The following WDR44 variants were observed in gnomAD, a reference collection of about 807,000 sequenced individuals.
WDR44 encodes the protein WD repeat domain 44.
In WDR44, 9 loss-of-function variants were observed where a neutral mutation model predicts 65.7. The observed-to-expected ratio is 0.14, with a 90% CI of 0.08 to 0.24. The LOEUF (loss-of-function observed/expected upper bound fraction) is 0.24, where lower values mean the gene tolerates loss of function less well. Ranked by LOEUF, WDR44 falls within the 10% of genes least tolerant of loss-of-function variation. The pLI, the probability that WDR44 is intolerant of heterozygous loss-of-function variation, is 1.00. For synonymous variants in WDR44, 220 were observed against 235.2 expected (o/e 0.94, Z 0.59); for missense variants, 425 against 670.9 (o/e 0.63, Z 4.05).
At chrX:118,411,839 CTT>C (rs1318905397) in intron 12 of WDR44, among the ~76,000 whole-genome samples, 1 of 112,314 alleles carries the variant, frequency 8.9e-6, no homozygotes, top group Non-Finnish European at 1.9e-5. Context: ...TATAGGATCT[CTT>C]TATCTACATG....
chrX:118,438,425 CTTTTCTTTTT>C (rs1460374803), intron 14 of WDR44, among the ~76,000 whole-genome samples: 1 of 110,524 alleles, frequency 9.0e-6, no homozygotes, highest in Non-Finnish European at 1.9e-5. Flanking sequence ...CTTTTCTTTT[CTTTTCTTTTT>C]ATTTATCTAT....
chrX:118,398,690 G>A (rs976783376), intron 8 of WDR44, among the ~76,000 whole-genome samples: 1 of 112,183 alleles, frequency 8.9e-6, no homozygotes, highest in Non-Finnish European at 1.9e-5. Flanking sequence ...ACTTTGGGAG[G>A]CCAAGGCAGG....
intron 17 of WDR44, among the ~76,000 whole-genome samples, chrX:118,443,158 G>A (rs1268674608): frequency 9.0e-6 from 1 of 111,569 alleles, no homozygotes; most frequent in Non-Finnish European, 1.9e-5. Context: ...TCTAATTTGG[G>A]TTCTGGACAC....
intron 10 of WDR44, among the ~76,000 whole-genome samples, chrX:118,408,099 C>T (rs763630976): frequency 2.4e-4 from 27 of 111,945 alleles, no homozygotes; most frequent in African/African-American, 8.1e-4. Context: ...GTAGTAGGCT[C>T]CAAATGACTC....
intron 12 of WDR44, among the ~76,000 whole-genome samples, chrX:118,430,640 G>A (rs2057201920): frequency 9.0e-6 from 1 of 111,086 alleles, no homozygotes; most frequent in African/African-American, 3.3e-5. Context: ...AGGAGTTCAA[G>A]ACCAGCCTGG....
At chrX:118,346,942 G>A (rs2056356715) in intron 1 of WDR44, among the ~76,000 whole-genome samples, 2 of 111,623 alleles carry the variant, frequency 1.8e-5, no homozygotes, top group Admixed American at 9.5e-5. Context: ...TTTTGGCCTC[G>A]GGGACCGTAG....
At chrX:118,398,880 T>C (rs1421059888) in intron 8 of WDR44, among the ~76,000 whole-genome samples, 1 of 111,452 alleles carries the variant, frequency 9.0e-6, no homozygotes, top group Non-Finnish European at 1.9e-5. Flanking sequence ...CACTCCAGCC[T>C]GGGCGACAGA....
chrX:118,369,614 GC>G (rs1283941651), intron 1 of WDR44, among the ~76,000 whole-genome samples: 4 of 104,950 alleles, frequency 3.8e-5, no homozygotes, highest in Non-Finnish European at 7.8e-5. Flanking sequence ...GGCTACAGGC[GC>G]CCACCACCAC....
chrX:118,446,058 A>G (rs1431906968), intron 19 of WDR44, among the ~76,000 whole-genome samples: 1 of 108,433 alleles, frequency 9.2e-6, no homozygotes, highest in African/African-American at 3.4e-5. Context: ...AAAAAAGACC[A>G]AGGTGAGCAG....
At chrX:118,406,212 C>T (rs943394212) in intron 9 of WDR44, among the ~76,000 whole-genome samples, 2 of 110,994 alleles carry the variant, frequency 1.8e-5, no homozygotes, top group African/African-American at 6.6e-5. Flanking sequence ...TTTGAGCATT[C>T]GCAGATTTTG....
At chrX:118,433,142 G>C (rs753928316) in intron 13 of WDR44, among the ~76,000 whole-genome samples, 2 of 111,655 alleles carry the variant, frequency 1.8e-5, no homozygotes, top group African/African-American at 3.2e-5. Flanking sequence ...TTAAATAATT[G>C]AGTACTAGCT....
At chrX:118,389,582 G>T (rs193103932) in intron 3 of WDR44, among the ~76,000 whole-genome samples, 1 of 109,108 alleles carries the variant, frequency 9.2e-6, no homozygotes, top group East Asian at 2.9e-4. Flanking sequence ...TTAGCTGGGC[G>T]TGGTGGCGTG....
chrX:118,405,078 C>T (rs1167711467), intron 9 of WDR44, among the ~76,000 whole-genome samples: 1 of 110,913 alleles, frequency 9.0e-6, no homozygotes, highest in East Asian at 2.8e-4. Flanking sequence ...CTCTGTCGCC[C>T]AGACTGGGGT....
intron 14 of WDR44, among the ~76,000 whole-genome samples, chrX:118,439,706 A>C (rs1380141918): frequency 9.0e-6 from 1 of 111,355 alleles, no homozygotes; most frequent in Non-Finnish European, 1.9e-5. Context: ...GAGTGAGCTT[A>C]CATTATTTGT....
intron 14 of WDR44, among the ~76,000 whole-genome samples, chrX:118,437,304 A>G (rs1030026340): frequency 8.0e-5 from 9 of 112,183 alleles, no homozygotes; most frequent in African/African-American, 2.9e-4. Flanking sequence ...AAATCCTTTC[A>G]TATCTTTCCC....
Position 118,392,794 on chromosome X carries a change from C to T in WDR44, c.349C>T (p.Leu117=), listed in dbSNP as rs145212358. Residue 117 remains leucine, a synonymous_variant, in exon 4 of 20, where the codon CTA becomes TTA. Transcript: ENST00000254029. ...CGGACTGTTAGCCATAGATCAAGTA[C>T]TACCGGAAGAATCCCAAAAGGCAGA... ...IPGLLAIDQV[L]PEESQKAESQ... is the part of the protein sequence containing the mutation. The T allele has an allele frequency of 2.0e-5, 24 of 1,210,030 alleles. No individual in the cohort carries two copies. Among genetic ancestry groups the T allele is most frequent in the Middle Eastern group, 2.3e-4 (1 of 4,355 alleles).
chrX:118,395,151 T>C, intron 5 of WDR44, 98 bp from the exon 6 acceptor site: 1 of 789,580 alleles, frequency 1.3e-6, no homozygotes, highest in East Asian at 3.5e-5. Flanking sequence ...GACTCCATTA[T>C]CTGAATTATG....
intron 12 of WDR44, among the ~76,000 whole-genome samples, chrX:118,416,635 G>A (rs1347719365): frequency 9.0e-6 from 1 of 111,297 alleles, no homozygotes; most frequent in Non-Finnish European, 1.9e-5. Flanking sequence ...GGTTCCATGC[G>A]CTATTGAATA....
intron 12 of WDR44, among the ~76,000 whole-genome samples, chrX:118,425,098 G>C (rs2057144308): frequency 9.0e-6 from 1 of 111,620 alleles, no homozygotes; most frequent in African/African-American, 3.3e-5. Context: ...AGCAAGTGAA[G>C]CTGCTATAAG....
Sources: gnomAD v4.1 joint callset for allele counts (sites outside exome capture counted in the v4.1 genomes callset) on GRCh38, gnomAD v4.1.1 for gene constraint, MANE v1.5 for transcripts, NCBI Gene and HGNC (gene_info 2026-07-23, HGNC 2026-07-21) for gene names.